The following KCNJ3 variants were observed in gnomAD, a reference collection of about 807,000 sequenced individuals.
KCNJ3 encodes the protein G protein-activated inward rectifier potassium channel 1.
Under a neutral mutation model 39.2 loss-of-function variants are expected in KCNJ3, and 4 were observed. The observed-to-expected ratio is 0.10, with a 90% CI of 0.05 to 0.23. The LOEUF is 0.23. Ranked by LOEUF, KCNJ3 falls within the 10% of genes least tolerant of loss-of-function variation. The pLI, the probability that KCNJ3 is intolerant of heterozygous loss-of-function variation, is 1.00. For missense variants in KCNJ3, 276 were observed against 634.9 expected (o/e 0.43, Z 6.08); for synonymous variants, 230 against 237.4 (o/e 0.97, Z 0.29).
At chr2:154,792,862 A>C (rs916338403) in intron 2 of KCNJ3, among the ~76,000 whole-genome samples, 1 of 152,144 alleles carries the variant, frequency 6.6e-6, no homozygotes, top group African/African-American at 2.4e-5. Flanking sequence ...TTCTGAACAA[A>C]GTTGTCTCGT....
chr2:154,821,896 C>T (rs575788244), intron 2 of KCNJ3, among the ~76,000 whole-genome samples: 1 of 152,068 alleles, frequency 6.6e-6, no homozygotes, highest in East Asian at 1.9e-4. Flanking sequence ...TCGCCTTGGC[C>T]TCCCAAAATG....
intron 2 of KCNJ3, among the ~76,000 whole-genome samples, chr2:154,771,921 C>T (rs561960415): frequency 3.9e-5 from 6 of 152,262 alleles, no homozygotes; most frequent in South Asian, 2.1e-4. Flanking sequence ...TTCATACCCA[C>T]GGTCACTTGT....
At chr2:154,825,853 A>T (rs2105114257) in intron 2 of KCNJ3, among the ~76,000 whole-genome samples, 1 of 149,822 alleles carries the variant, frequency 6.7e-6, no homozygotes, top group East Asian at 2.0e-4. Context: ...TGCTGGGATT[A>T]CAGTCATGAG....
At chr2:154,719,005 A>C (rs1685224285) in intron 2 of KCNJ3, among the ~76,000 whole-genome samples, 1 of 152,180 alleles carries the variant, frequency 6.6e-6, no homozygotes, top group Non-Finnish European at 1.5e-5. Context: ...GTCATAGTGC[A>C]GTTACAAGGA....
intron 2 of KCNJ3, among the ~76,000 whole-genome samples, chr2:154,847,480 T>C (rs1687680782): frequency 6.6e-6 from 1 of 152,196 alleles, no homozygotes; most frequent in African/African-American, 2.4e-5. Flanking sequence ...ATGCTTTGCA[T>C]GCTAAGCTGT....
chr2:154,793,448 C>T (rs891004410), intron 2 of KCNJ3, among the ~76,000 whole-genome samples: 3 of 152,004 alleles, frequency 2.0e-5, no homozygotes, highest in East Asian at 1.9e-4. Context: ...CAAGGAACAC[C>T]CCACTGTATG....
intron 2 of KCNJ3, among the ~76,000 whole-genome samples, chr2:154,734,073 C>G (rs568542977): frequency 4.6e-5 from 7 of 152,192 alleles, no homozygotes; most frequent in Admixed American, 2.0e-4. Context: ...TTTGGAAGAG[C>G]CTTATGCAAG....
At chr2:154,708,582 C>T (rs879286631) in intron 1 of KCNJ3, among the ~76,000 whole-genome samples, 3 of 152,038 alleles carry the variant, frequency 2.0e-5, no homozygotes, top group Non-Finnish European at 4.4e-5. Flanking sequence ...TATTTAATTC[C>T]TAACTACCTA....
intron 2 of KCNJ3, among the ~76,000 whole-genome samples, chr2:154,834,840 T>C (rs1278950457): frequency 1.3e-5 from 2 of 150,980 alleles, no homozygotes; most frequent in Non-Finnish European, 2.9e-5. Flanking sequence ...TTTTTATGAG[T>C]TGTCTACATC....
chr2:154,827,378 A>C (rs901595186), intron 2 of KCNJ3, among the ~76,000 whole-genome samples: 1 of 152,132 alleles, frequency 6.6e-6, no homozygotes, highest in African/African-American at 2.4e-5. Context: ...TTGTATGTTG[A>C]TAAAATCTAT....
chr2:154,790,298 G>A (rs1041042944), intron 2 of KCNJ3, among the ~76,000 whole-genome samples: 11 of 151,992 alleles, frequency 7.2e-5, no homozygotes, highest in Non-Finnish European at 1.6e-4. Flanking sequence ...GTAATCCGAC[G>A]CTAGAAACTA....
chr2:154,774,356 T>A (rs867079140), intron 2 of KCNJ3, among the ~76,000 whole-genome samples: 3 of 150,820 alleles, frequency 2.0e-5, no homozygotes, highest in Non-Finnish European at 4.4e-5. Context: ...AAGAAAGTTA[T>A]GCTCATTTAC....
intron 2 of KCNJ3, among the ~76,000 whole-genome samples, chr2:154,829,977 A>C (rs946079997): frequency 6.6e-6 from 1 of 152,188 alleles, no homozygotes; most frequent in East Asian, 1.9e-4. Context: ...GTAGAGAAGG[A>C]GACAGATGGC....
rs33975324 is a variant in KCNJ3 at position 154,855,616 on chromosome 2, GA to G, written c.*311del. The G allele has an allele frequency of 2.7e-4, 41 of 149,220 alleles. No individual in the cohort carries two copies. The highest frequency in any genetic ancestry group is 7.6e-4 in the South Asian group (4 of 5,268). The allele number at this position is 149,220 out of a possible 1,614,324, so 9.2% of individuals were successfully genotyped here. Reference sequence around the variant, plus strand: ...TGGCATATTTATATTGTATATTCTGGAAAAAAAATATATATATATATTTAAA... The same window carrying G: ...TGGCATATTTATATTGTATATTCTGGAAAAAAATATATATATATATTTAAA... On this transcript the variant is annotated 3_prime_UTR_variant, in exon 3 of 3. Coordinates refer to ENST00000295101, the MANE Select transcript of KCNJ3 (RefSeq NM_002239.4).
intron 2 of KCNJ3, among the ~76,000 whole-genome samples, chr2:154,732,117 G>GT (rs1428188581): frequency 6.6e-6 from 1 of 151,984 alleles, no homozygotes; most frequent in Non-Finnish European, 1.5e-5. Context: ...ATAAGTCAAG[G>GT]TACTTGCCTG....
At chr2:154,781,809 A>T (rs1276049736) in intron 2 of KCNJ3, among the ~76,000 whole-genome samples, 1 of 152,234 alleles carries the variant, frequency 6.6e-6, no homozygotes, top group Non-Finnish European at 1.5e-5. Context: ...TGTGGAGTAT[A>T]TCTGTGACTT....
At chr2:154,703,866 GA>G (rs1422697678) in intron 1 of KCNJ3, among the ~76,000 whole-genome samples, 1 of 152,004 alleles carries the variant, frequency 6.6e-6, no homozygotes, top group Non-Finnish European at 1.5e-5. Flanking sequence ...ATCCACAAAT[GA>G]ATGTCTATAT....
At chr2:154,807,037 A>G (rs540563855) in intron 2 of KCNJ3, among the ~76,000 whole-genome samples, 3 of 152,242 alleles carry the variant, frequency 2.0e-5, no homozygotes, top group South Asian at 4.1e-4. Flanking sequence ...GTCATTGATA[A>G]TTTCACCTAA....
At chr2:154,814,675 A>T (rs1218149791) in intron 2 of KCNJ3, among the ~76,000 whole-genome samples, 5 of 152,100 alleles carry the variant, frequency 3.3e-5, no homozygotes, top group Admixed American at 2.6e-4. Context: ...AAAATAAATG[A>T]AGTATGTTAA....
Sources: allele counts gnomAD v4.1 joint callset (sites outside exome capture counted in the v4.1 genomes callset), GRCh38; gene constraint gnomAD v4.1.1; transcripts MANE v1.5; gene names NCBI Gene and HGNC (gene_info 2026-07-23, HGNC 2026-07-21).